NRXN1: variants seen among roughly 807,000 people sequenced by gnomAD.
The protein encoded by NRXN1 is neurexin 1.
In NRXN1, 39 loss-of-function variants were observed where a neutral mutation model predicts 150.9. That is an observed-to-expected ratio of 0.26 (90% CI 0.20 to 0.34). The LOEUF (loss-of-function observed/expected upper bound fraction) is 0.34. Among genes scored for constraint, NRXN1 ranks in the 10% least tolerant of loss-of-function variants. The pLI is 1.00. For missense variants in NRXN1, 1,815 were observed against 1,949.9 expected (o/e 0.93, Z 1.30); for synonymous variants, 924 against 757.0 (o/e 1.22, Z -3.62).
In NRXN1 at chr2:50,506,580, G is replaced by C; in HGVS notation, c.2412C>G (p.Leu804=). Residue 804 remains leucine, a synonymous_variant, in exon 13 of 23, where the codon CTC becomes CTG. Transcript: ENST00000401669. ...GCACTGTGTGCCACTCGTTATCATT[G>C]AGGTTATAGCCAGCAAAAAGAGTCT... ...GPETLFAGYN[L]NDNEWHTVRV... 1.2e-6 allele frequency: 2 copies of C among 1,613,388 alleles called. No homozygotes were observed. The highest frequency in any genetic ancestry group is 1.1e-5 in the South Asian group (1 of 91,044).
At chr2:50,949,694 A>T (rs12713124) in intron 2 of NRXN1, among the ~76,000 whole-genome samples, 89,921 of 151,820 alleles carry the variant, frequency 0.59, 26,978 homozygotes, top group East Asian at 0.71. Context: ...TTTTTATAAT[A>T]AAAGTATCTT....
intron 5 of NRXN1, among the ~76,000 whole-genome samples, chr2:50,645,045 C>T (rs1020921722): frequency 6.6e-6 from 1 of 151,794 alleles, no homozygotes; most frequent in East Asian, 1.9e-4. Context: ...TTCAAACTTT[C>T]TGAATACAAA....
intron 8 of NRXN1, among the ~76,000 whole-genome samples, chr2:50,555,751 G>A (rs528531637): frequency 7.2e-5 from 11 of 152,172 alleles, no homozygotes; most frequent in South Asian, 6.2e-4. Context: ...ATGGTATTGC[G>A]GACCAATCTC....
chr2:50,402,591 A>T (rs891950206), intron 17 of NRXN1, among the ~76,000 whole-genome samples: 1 of 152,108 alleles, frequency 6.6e-6, no homozygotes, highest in Non-Finnish European at 1.5e-5. Context: ...GAGCAAGTCA[A>T]ACCTCTTGGT....
chr2:50,044,763 T>C (rs2152601417), intron 21 of NRXN1, among the ~76,000 whole-genome samples: 1 of 152,310 alleles, frequency 6.6e-6, no homozygotes, highest in East Asian at 1.9e-4. Context: ...GCTAGGTATT[T>C]ATCCTCAAGA....
At chr2:50,310,578 AG>A (rs1394962710) in intron 17 of NRXN1, among the ~76,000 whole-genome samples, 10 of 152,198 alleles carry the variant, frequency 6.6e-5, no homozygotes, top group Non-Finnish European at 1.5e-4. Context: ...CTCTTATTAA[AG>A]AATAATAAAT....
chr2:50,206,916 A>C (rs984632181), intron 18 of NRXN1, among the ~76,000 whole-genome samples: 2 of 151,638 alleles, frequency 1.3e-5, no homozygotes, highest in Admixed American at 6.6e-5. Flanking sequence ...ATACATATAC[A>C]CACACATACA....
At chr2:50,183,259 A>G (rs2060850777) in intron 18 of NRXN1, among the ~76,000 whole-genome samples, 1 of 152,112 alleles carries the variant, frequency 6.6e-6, no homozygotes, top group African/African-American at 2.4e-5. Context: ...CAATTGAATA[A>G]AAATTGGCAT....
At chr2:50,044,726 A>C (rs1037762677) in intron 21 of NRXN1, among the ~76,000 whole-genome samples, 5 of 152,184 alleles carry the variant, frequency 3.3e-5, no homozygotes, top group African/African-American at 1.2e-4. Context: ...AGGTGTGAGA[A>C]ATGGTTCTTC....
chr2:50,369,657 C>T (rs1384729278), intron 17 of NRXN1, among the ~76,000 whole-genome samples: 2 of 151,930 alleles, frequency 1.3e-5, no homozygotes. Context: ...TCCCTGTTGT[C>T]TGAAACACCT....
chr2:50,005,414 T>C (rs1391720234), intron 21 of NRXN1, among the ~76,000 whole-genome samples: 1 of 152,188 alleles, frequency 6.6e-6, no homozygotes, highest in African/African-American at 2.4e-5. Context: ...TGGCTTTAAA[T>C]CATTTTCTCT....
chr2:50,161,078 AGT>A (rs761575318), intron 18 of NRXN1, among the ~76,000 whole-genome samples: 6 of 152,174 alleles, frequency 3.9e-5, no homozygotes, highest in Non-Finnish European at 8.8e-5. Context: ...TTCAATTTAT[AGT>A]GTCTATTCTA....
chr2:50,335,569 G>C (rs2077128434), intron 17 of NRXN1, among the ~76,000 whole-genome samples: 1 of 151,894 alleles, frequency 6.6e-6, no homozygotes, highest in South Asian at 2.1e-4. Flanking sequence ...AAATTCTAAA[G>C]GAATGTTCTA....
intron 17 of NRXN1, among the ~76,000 whole-genome samples, chr2:50,367,017 C>A (rs1041644970): frequency 1.3e-5 from 2 of 151,890 alleles, no homozygotes; most frequent in African/African-American, 4.8e-5. Flanking sequence ...TGGGTGAGTA[C>A]GCCAGCTGAG....
intron 8 of NRXN1, among the ~76,000 whole-genome samples, chr2:50,590,438 T>C (rs1673971212): frequency 6.6e-6 from 1 of 152,178 alleles, no homozygotes; most frequent in African/African-American, 2.4e-5. Context: ...ATGCACAGCT[T>C]TTCCCATGAC....
At chr2:50,431,987 C>T (rs1156607392) in intron 17 of NRXN1, among the ~76,000 whole-genome samples, 1 of 152,204 alleles carries the variant, frequency 6.6e-6, no homozygotes, top group Admixed American at 6.5e-5. Context: ...ATCCTCACCA[C>T]TAAATAAGGC....
chr2:50,156,883 T>C (rs1292741797), intron 18 of NRXN1, among the ~76,000 whole-genome samples: 1 of 152,024 alleles, frequency 6.6e-6, no homozygotes, highest in Admixed American at 6.6e-5. Context: ...TAAAGTGCTA[T>C]AAGAAAATGT....
At chr2:50,524,400 A>G (rs1326354446) in intron 12 of NRXN1, among the ~76,000 whole-genome samples, 1 of 151,952 alleles carries the variant, frequency 6.6e-6, no homozygotes, top group Non-Finnish European at 1.5e-5. Context: ...AACTGCTTGA[A>G]TCTGGGAGGC....
intron 17 of NRXN1, among the ~76,000 whole-genome samples, chr2:50,447,814 T>C (rs1321146454): frequency 7.2e-6 from 1 of 139,534 alleles, no homozygotes; most frequent in Non-Finnish European, 1.5e-5. Context: ...ATCCTGCTTA[T>C]GGCTTCTTCA....
Sources: gnomAD v4.1 joint callset for allele counts (sites outside exome capture counted in the v4.1 genomes callset) on GRCh38, gnomAD v4.1.1 for gene constraint, MANE v1.5 for transcripts, NCBI Gene and HGNC (gene_info 2026-07-23, HGNC 2026-07-21) for gene names.